The following UNC5B variants were observed in gnomAD, a reference collection of about 807,000 sequenced individuals.
UNC5B encodes the protein netrin receptor UNC5B.
In UNC5B, 56 loss-of-function variants were observed where a neutral mutation model predicts 103.7. The ratio of observed to expected loss-of-function variants is 0.54; its 90% confidence interval spans 0.44 to 0.67. The LOEUF (loss-of-function observed/expected upper bound fraction) is 0.67, where lower values mean the gene tolerates loss of function less well. Ranked by LOEUF, UNC5B falls within the 30% of genes least tolerant of loss-of-function variation. The probability of loss-of-function intolerance (pLI) is 0.00; values close to 1 mark genes in which losing one functional copy is unlikely to be tolerated. For missense variants in UNC5B, 1,194 were observed against 1,284.5 expected (o/e 0.93, Z 1.08); for synonymous variants, 577 against 542.0 (o/e 1.06, Z -0.90).
rs779677077 is a variant in UNC5B at position 71,284,753 on chromosome 10, C to G, written c.338C>G (p.Ser113Trp). ...LRVREVQIEV[S>W]RQQVEELFGL... ...GTGCGCGAGGTGCAGATCGAGGTGT[C>G]GCGGCAGCAGGTGGAGGAGCTCTTT... The change falls in exon 3 of 17, where the codon TCG (serine) becomes TGG (tryptophan). Residue 113 changes from serine (S) to tryptophan (W), a missense_variant. Ser to Trp is a radical substitution (Grantham distance 177). Transcript: ENST00000335350. The G allele has an allele frequency of 1.3e-6, 2 of 1,573,788 alleles. No individual in the cohort carries two copies. Among genetic ancestry groups the G allele is most frequent in the Non-Finnish European group, 1.7e-6 (2 of 1,161,246 alleles).
In UNC5B at chr10:71,272,706, G is replaced by T. The variant is rs76008862; in HGVS notation, c.80-7115G>T. Reference sequence around the variant, plus strand: ...CTTCCCCTCTCTGATCCGGTAGAACGCGGGGCTCCAAGGGCTCCAGGCTCT... The same window carrying T: ...CTTCCCCTCTCTGATCCGGTAGAACTCGGGGCTCCAAGGGCTCCAGGCTCT... On this transcript the variant is annotated intron_variant, in intron 1 of 16. Coordinates refer to ENST00000335350, the MANE Select transcript of UNC5B (RefSeq NM_170744.5). Among the ~76,000 whole-genome samples the T allele has an allele frequency of 1.8e-3, 272 of 152,286 alleles. 6 individuals are homozygous for T. In the East Asian group the frequency reaches 0.046, roughly 26 times the overall value.
intron 1 of UNC5B, among the ~76,000 whole-genome samples, chr10:71,251,602 C>T (rs151156699): frequency 6.6e-6 from 1 of 152,294 alleles, no homozygotes; most frequent in East Asian, 1.9e-4. Flanking sequence ...CTTTTAAATG[C>T]TGGCTGTCTC....
intron 1 of UNC5B, among the ~76,000 whole-genome samples, chr10:71,270,498 G>T (rs1464358351): frequency 3.3e-5 from 5 of 152,150 alleles, no homozygotes; most frequent in Admixed American, 6.5e-5. Flanking sequence ...AGAGGGCAGG[G>T]TTTCTCTCTT....
At chr10:71,276,209 A>G (rs1422000063) in intron 1 of UNC5B, among the ~76,000 whole-genome samples, 1 of 152,112 alleles carries the variant, frequency 6.6e-6, no homozygotes, top group Non-Finnish European at 1.5e-5. Flanking sequence ...ACTAAAAATC[A>G]AAACGTTTGT....
At chr10:71,296,555 G>C (rs778645202) in intron 14 of UNC5B, 23 bp from the exon 15 acceptor site, 1 of 1,612,452 alleles carries the variant, frequency 6.2e-7, no homozygotes, top group Admixed American at 1.7e-5. Context: ...TGCCTGCCTG[G>C]TCCTGACCCC....
chr10:71,280,140 C>G (rs911441845), intron 2 of UNC5B, 95 bp downstream of exon 2: 2 of 1,359,650 alleles, frequency 1.5e-6, no homozygotes, highest in African/African-American at 2.9e-5. Context: ...CCATGGTGCC[C>G]CCTTGGATTA....
intron 1 of UNC5B, among the ~76,000 whole-genome samples, chr10:71,272,877 C>CTGTTTGTTTGTTTGTTTGTT (rs112300355): frequency 1.3e-5 from 2 of 150,570 alleles, no homozygotes; most frequent in East Asian, 2.0e-4. Flanking sequence ...CATGCACTGC[C>CTGTTTGTTTGTTTGTTTGTT]TGTTTGTTTG....
At position 71,285,424 on chromosome 10, in the gene UNC5B, G is replaced by A; in HGVS notation, c.547G>A (p.Ala183Thr). The change falls in exon 4 of 17, where the codon GCC (alanine) becomes ACC (threonine). Residue 183 changes from alanine to threonine, a missense_variant. Ala to Thr is a moderately conservative substitution (Grantham distance 58). Coordinates refer to ENST00000335350, the MANE Select transcript of UNC5B (RefSeq NM_170744.5). Reference protein sequence around the residue: ...QCRPPEGVPVAEVEWLKNEDV... With the variant: ...QCRPPEGVPVTEVEWLKNEDV... ...CCGCCCGCCGGAGGGGGTGCCTGTG[G>A]CCGAGGTGAGCGGGGACGTAGGGAC... 6.3e-7 allele frequency: 1 copy of A among 1,594,834 alleles called. No homozygotes were observed. The highest frequency in any genetic ancestry group is 8.5e-7 in the Non-Finnish European group (1 of 1,172,716).
intron 2 of UNC5B, among the ~76,000 whole-genome samples, chr10:71,281,659 G>A (rs1392745579): frequency 2.0e-5 from 3 of 152,162 alleles, no homozygotes; most frequent in Non-Finnish European, 2.9e-5. Flanking sequence ...AATTTTTAAG[G>A]GGAAACAAAA....
At chr10:71,256,673 G>A (rs1844297265) in intron 1 of UNC5B, among the ~76,000 whole-genome samples, 1 of 152,248 alleles carries the variant, frequency 6.6e-6, no homozygotes, top group South Asian at 2.1e-4. Flanking sequence ...CCAGAAGGGA[G>A]CCAAGAGGTG....
chr10:71,225,267 A>C (rs1305706928), intron 1 of UNC5B, among the ~76,000 whole-genome samples: 4 of 131,136 alleles, frequency 3.1e-5, no homozygotes, highest in African/African-American at 1.2e-4. Context: ...CTCCAAACCC[A>C]CGGGGGTCGC....
At chr10:71,224,078 C>T (rs989749944) in intron 1 of UNC5B, among the ~76,000 whole-genome samples, 1 of 152,240 alleles carries the variant, frequency 6.6e-6, no homozygotes, top group Non-Finnish European at 1.5e-5. Flanking sequence ...TGGTGGCTCA[C>T]TGGTCCTTGT....
chr10:71,228,345 C>A (rs754832039), intron 1 of UNC5B, among the ~76,000 whole-genome samples: 10 of 151,682 alleles, frequency 6.6e-5, no homozygotes, highest in Admixed American at 2.6e-4. Context: ...AATAAAAAAA[C>A]TGATCAGTTT....
chr10:71,283,828 G>A (rs1440181776), intron 2 of UNC5B, among the ~76,000 whole-genome samples: 1 of 152,286 alleles, frequency 6.6e-6, no homozygotes, highest in South Asian at 2.1e-4. Flanking sequence ...GAGCCATTGA[G>A]AGATCAGGGG....
At chr10:71,219,595 T>G (rs1843411000) in intron 1 of UNC5B, among the ~76,000 whole-genome samples, 1 of 152,144 alleles carries the variant, frequency 6.6e-6, no homozygotes, top group Admixed American at 6.5e-5. Flanking sequence ...TTAATCTCCT[T>G]TGGCAACACC....
At chr10:71,252,315 C>T (rs762791483) in intron 1 of UNC5B, among the ~76,000 whole-genome samples, 2 of 152,204 alleles carry the variant, frequency 1.3e-5, no homozygotes, top group Non-Finnish European at 2.9e-5. Flanking sequence ...TTTTGTGTCT[C>T]TGCATTGAGC....
At position 71,299,147 on chromosome 10, in the gene UNC5B, C is replaced by G. The variant is rs772181278; in HGVS notation, c.2708C>G (p.Thr903Arg). The G allele has an allele frequency of 6.2e-7, 1 of 1,614,222 alleles. No homozygotes were observed. Among genetic ancestry groups the G allele is most frequent in the Non-Finnish European group, 8.5e-7 (1 of 1,180,044 alleles). Residue 903 changes from threonine to arginine, a missense_variant, in exon 17 of 17, where the codon ACG becomes AGG. Thr to Arg is a moderately conservative substitution (Grantham distance 71). Coordinates refer to ENST00000335350, the MANE Select transcript of UNC5B (RefSeq NM_170744.5). ...LNYFATKASP[T>R]GVILDLWEAL... The stretch of plus-strand genomic sequence containing the variant: ...TACTTTGCCACCAAAGCGAGCCCCA[C>G]GGGTGTGATCCTGGACCTCTGGGAA...
intron 1 of UNC5B, among the ~76,000 whole-genome samples, chr10:71,229,970 C>T (rs1851965978): frequency 6.6e-6 from 1 of 152,082 alleles, no homozygotes. Flanking sequence ...TCTCAAGAGC[C>T]CCACGAAGTC....
chr10:71,299,018 C>T, intron 16 of UNC5B, 94 bp from the exon 17 acceptor site: 1 of 1,518,930 alleles, frequency 6.6e-7, no homozygotes, highest in Non-Finnish European at 9.0e-7. Context: ...CCAAAGCTCA[C>T]AGCCTTCCCA....
Sources: gnomAD v4.1 joint callset for allele counts (sites outside exome capture counted in the v4.1 genomes callset) on GRCh38, gnomAD v4.1.1 for gene constraint, MANE v1.5 for transcripts, NCBI Gene and HGNC (gene_info 2026-07-23, HGNC 2026-07-21) for gene names.